HBP1: variants seen among roughly 807,000 people sequenced by gnomAD.
HBP1 encodes the protein HMG-box transcription factor 1, also known as HMG box-containing protein 1.
HBP1 carries 20 observed loss-of-function variants against 62.6 expected under a neutral mutation model. The ratio of observed to expected loss-of-function variants is 0.32; its 90% CI spans 0.22 to 0.46. HBP1 has a LOEUF of 0.46. Among genes scored for constraint, HBP1 ranks in the 20% least tolerant of loss-of-function variants. HBP1 has a pLI of 1.00. For missense variants in HBP1, 480 were observed against 611.8 expected (o/e 0.78, Z 2.27); for synonymous variants, 232 against 206.2 (o/e 1.12, Z -1.07).
chr7:107,184,385 C>G (rs1345014730), intron 3 of HBP1, among the ~76,000 whole-genome samples: 3 of 152,062 alleles, frequency 2.0e-5, no homozygotes, highest in Non-Finnish European at 4.4e-5. Flanking sequence ...AGTATAGATC[C>G]TTATGTAAAA....
intron 9 of HBP1, among the ~76,000 whole-genome samples, chr7:107,198,028 A>AGTCT (rs1472702921): frequency 3.9e-5 from 6 of 152,140 alleles, no homozygotes; most frequent in Admixed American, 3.9e-4. Flanking sequence ...CGTCCCTGTA[A>AGTCT]GTCTCTTCCC....
At chr7:107,193,067 A>C (rs1797730785) in intron 8 of HBP1, 1 of 152,200 alleles carries the variant, frequency 6.6e-6, no homozygotes, top group African/African-American at 2.4e-5. Context: ...CAATCAGTTG[A>C]TGAGCTCTCA....
chr7:107,169,736 C>T lies in HBP1; in HGVS notation c.-16+551C>T. ...TTGTTACGCAGTTCGAATGAATGGGCTCCCAGGCGCCTGCGCGCTGGGGCT... is the reference window on the plus strand; with the variant it reads ...TTGTTACGCAGTTCGAATGAATGGGTTCCCAGGCGCCTGCGCGCTGGGGCT... On this transcript the variant is annotated intron_variant, in intron 1 of 10. Transcript: ENST00000222574. 3.0e-6 allele frequency: 3 copies of T among 985,370 alleles called. No individual in the cohort carries two copies. In the South Asian group the frequency reaches 1.4e-4, roughly 46 times the overall value. The allele number at this position is 985,370 out of a possible 1,614,324, so 61.0% of individuals were successfully genotyped here.
chr7:107,200,489 T>C (rs1449343686), intron 10 of HBP1, 188 bp downstream of exon 10: 2 of 418,532 alleles, frequency 4.8e-6, no homozygotes, highest in Non-Finnish European at 8.4e-6. Flanking sequence ...GGTCATTTAC[T>C]CTCATAGCAT....
In HBP1 at chr7:107,201,672, T is replaced by C; in HGVS notation, c.*241T>C. 1 of 398,104 alleles carries C rather than the reference T, an allele frequency of 2.5e-6. No individual in the cohort carries two copies. Among genetic ancestry groups the C allele is most frequent in the South Asian group, 6.9e-5 (1 of 14,414 alleles). 24.7% of individuals were successfully genotyped at this position (398,104 alleles called of 1,614,324 possible). A position where few individuals can be genotyped will look rare whatever the true frequency, so the allele number is the denominator to read the frequency against. The stretch of plus-strand genomic sequence containing the variant: ...CCTTATTTTTCTTCCAAACTTCATA[T>C]ATGTCTATCAGGTAATAATAGGCTT... On this transcript the variant is annotated 3_prime_UTR_variant, in exon 11 of 11. Transcript: ENST00000222574.
chr7:107,174,809 A>G (rs1796755572), intron 1 of HBP1: 1 of 492,216 alleles, frequency 2.0e-6, no homozygotes, highest in Non-Finnish European at 2.6e-6. Context: ...CTGTATGTGA[A>G]GCATAGTACG....
chr7:107,169,518 G>T (rs1218010016), intron 1 of HBP1, among the ~76,000 whole-genome samples: 1 of 149,952 alleles, frequency 6.7e-6, no homozygotes, highest in Non-Finnish European at 1.5e-5. Context: ...GGGGGAAGGG[G>T]CCGACGCAGC....
chr7:107,188,106 T>C (rs895698961), intron 6 of HBP1, among the ~76,000 whole-genome samples: 3 of 152,202 alleles, frequency 2.0e-5, no homozygotes, highest in Non-Finnish European at 4.4e-5. Context: ...GGGATTGGAT[T>C]AGTTTTAAGG....
chr7:107,170,188 G>C, intron 1 of HBP1: 2 of 946,958 alleles, frequency 2.1e-6, no homozygotes, highest in Non-Finnish European at 2.5e-6. Flanking sequence ...CTGATGCCAG[G>C]ACGAGAGGAG....
At chr7:107,179,760 T>A in intron 1 of HBP1, 119 bp from the exon 2 acceptor site, 1 of 578,944 alleles carries the variant, frequency 1.7e-6, no homozygotes, top group Non-Finnish European at 3.0e-6. Context: ...TGACAGAGTG[T>A]GACTATGTCT....
At chr7:107,190,348 T>C (rs770282826) in intron 8 of HBP1, 31 bp downstream of exon 8, 1 of 1,532,740 alleles carries the variant, frequency 6.5e-7, no homozygotes, top group Non-Finnish European at 9.0e-7. Flanking sequence ...TGTTTTATTT[T>C]CCTCTTAAAG....
intron 3 of HBP1, among the ~76,000 whole-genome samples, chr7:107,183,158 G>A (rs1797189369): frequency 6.6e-6 from 1 of 152,150 alleles, no homozygotes; most frequent in Admixed American, 6.5e-5. Flanking sequence ...AATTACGGAA[G>A]CTTCCAGCTA....
intron 1 of HBP1, among the ~76,000 whole-genome samples, chr7:107,179,403 GC>G (rs1282183219): frequency 6.6e-6 from 1 of 152,156 alleles, no homozygotes; most frequent in Non-Finnish European, 1.5e-5. Context: ...TCAGTTGTAG[GC>G]CAAGATGTTA....
intron 1 of HBP1, among the ~76,000 whole-genome samples, chr7:107,177,805 T>C (rs996881260): frequency 3.3e-5 from 5 of 152,192 alleles, no homozygotes; most frequent in Non-Finnish European, 5.9e-5. Flanking sequence ...TGTAAAAATA[T>C]CTAAGTCTGG....
intron 1 of HBP1, among the ~76,000 whole-genome samples, chr7:107,176,702 T>G (rs1479935580): frequency 1.9e-5 from 1 of 53,050 alleles, no homozygotes; most frequent in Non-Finnish European, 3.1e-5. Context: ...TTTGCTCCAT[T>G]TTTTTTTTTT....
intron 1 of HBP1, among the ~76,000 whole-genome samples, chr7:107,177,027 T>G (rs1009983356): frequency 6.6e-6 from 1 of 152,190 alleles, no homozygotes; most frequent in African/African-American, 2.4e-5. Flanking sequence ...AGCTATCTGG[T>G]TTCCACCTGT....
intron 1 of HBP1, chr7:107,169,961 G>T: frequency 2.0e-6 from 2 of 985,532 alleles, no homozygotes; most frequent in Non-Finnish European, 2.4e-6. Flanking sequence ...ACCGCAGGCC[G>T]ATTGAAACAA....
intron 1 of HBP1, among the ~76,000 whole-genome samples, chr7:107,170,413 C>T (rs1796496131): frequency 6.6e-6 from 1 of 151,920 alleles, no homozygotes; most frequent in Non-Finnish European, 1.5e-5. Flanking sequence ...CAATGTATGT[C>T]TTGTACTTTT....
At chr7:107,180,135 C>T in intron 2 of HBP1, 73 bp downstream of exon 2, 4 of 878,644 alleles carry the variant, frequency 4.6e-6, no homozygotes, top group Non-Finnish European at 3.6e-6. Context: ...CCCGCTTCTC[C>T]ACCAACCTTG....
Sources: allele counts gnomAD v4.1 joint callset (sites outside exome capture counted in the v4.1 genomes callset), GRCh38; gene constraint gnomAD v4.1.1; transcripts MANE v1.5; gene names NCBI Gene and HGNC (gene_info 2026-07-23, HGNC 2026-07-21).